USP25: variants seen among roughly 807,000 people sequenced by gnomAD.
USP25 encodes ubiquitin carboxyl-terminal hydrolase 25.
USP25 carries 85 observed loss-of-function variants against 158.5 expected under a neutral mutation model. That is an observed-to-expected ratio of 0.54 (90% CI 0.45 to 0.64). USP25 has a LOEUF of 0.64. USP25 is among the 30% of genes least tolerant of loss of function. The pLI is 0.00. For missense variants in USP25, 1,242 were observed against 1,327.3 expected (o/e 0.94, Z 1.00); for synonymous variants, 464 against 460.4 (o/e 1.01, Z -0.10).
intron 20 of USP25, among the ~76,000 whole-genome samples, chr21:15,863,012 T>G (rs1235425463): frequency 6.6e-6 from 1 of 152,006 alleles, no homozygotes; most frequent in Non-Finnish European, 1.5e-5. Flanking sequence ...AAAAAAACTT[T>G]TTAATTGAAT....
chr21:15,767,373 T>A (rs950094978), intron 3 of USP25, among the ~76,000 whole-genome samples: 2 of 152,128 alleles, frequency 1.3e-5, no homozygotes, highest in African/African-American at 4.8e-5. Flanking sequence ...GGAGAATGTT[T>A]TTCCTGGCCT....
At position 15,849,770 on chromosome 21, in the gene USP25, G is replaced by T; in HGVS notation, c.2452-7G>T. 1 of 1,521,666 alleles carries T rather than the reference G, an allele frequency of 6.6e-7. No homozygotes were observed. Among genetic ancestry groups the T allele is most frequent in the Non-Finnish European group, 8.8e-7 (1 of 1,136,514 alleles). 94.3% of individuals were successfully genotyped at this position (1,521,666 alleles called of 1,614,324 possible). On this transcript the variant is annotated splice_polypyrimidine_tract_variant and splice_region_variant and intron_variant, in intron 19 of 25. Coordinates refer to ENST00000400183, the MANE Select transcript of USP25 (RefSeq NM_001283041.3). ...CTTTTTTTAATGTTAACTATCTTCT[G>T]TGGCAGATCATGATGACACCGAACA...
At chr21:15,836,175 A>G (rs1050629798) in intron 17 of USP25, among the ~76,000 whole-genome samples, 7 of 152,224 alleles carry the variant, frequency 4.6e-5, no homozygotes, top group Non-Finnish European at 5.9e-5. Flanking sequence ...AAAATCCAAC[A>G]GAATGATTTT....
At chr21:15,775,525 CTT>C (rs2034590180) in intron 3 of USP25, among the ~76,000 whole-genome samples, 2 of 152,136 alleles carry the variant, frequency 1.3e-5, no homozygotes, top group Admixed American at 6.5e-5. Context: ...CAAGAACATA[CTT>C]CTATAGCTGC....
Position 15,757,230 on chromosome 21 carries a change from A to C in USP25, c.46-5661A>C, listed in dbSNP as rs879280286. ...GCAAATGAGGTGGCTTCTCTAACTT[A>C]AACTTAGGATTTTTCTCATTGCTCA... On this transcript the variant is annotated intron_variant, in intron 1 of 25. Coordinates refer to ENST00000400183, the MANE Select transcript of USP25 (RefSeq NM_001283041.3). Among the ~76,000 whole-genome samples, 17 of 152,260 alleles carry C rather than the reference A, an allele frequency of 1.1e-4. 1 individual carries two copies. In the Middle Eastern group the frequency reaches 0.014, roughly 122 times the overall value.
intron 1 of USP25, among the ~76,000 whole-genome samples, chr21:15,737,342 T>A (rs2031619804): frequency 6.6e-6 from 1 of 152,186 alleles, no homozygotes. Context: ...CATAATTGAA[T>A]TAATTTTGCC....
intron 7 of USP25, among the ~76,000 whole-genome samples, chr21:15,807,724 T>G (rs2036462354): frequency 1.3e-5 from 2 of 152,346 alleles, no homozygotes; most frequent in Middle Eastern, 3.4e-3. Flanking sequence ...CACCATTGGA[T>G]TTAGCCCCAG....
chr21:15,742,029 A>C (rs1487348140), intron 1 of USP25, among the ~76,000 whole-genome samples: 2 of 152,184 alleles, frequency 1.3e-5, no homozygotes, highest in Non-Finnish European at 2.9e-5. Context: ...TTTGAAAAGA[A>C]CATAGTGCAG....
At position 15,808,710 on chromosome 21, in the gene USP25, A is replaced by G. The variant is rs1326835167; in HGVS notation, c.781-99A>G. 9 of 746,156 alleles carry G rather than the reference A, an allele frequency of 1.2e-5. No individual in the cohort carries two copies. The African/African-American group carries it at 1.4e-4, about 12-fold the overall frequency. The allele number at this position is 746,156 out of a possible 1,614,324, so 46.2% of individuals were successfully genotyped here. Reference sequence around the variant, plus strand: ...TTGTTATCTTTGTAAGGAGTTGGTAATTATATATTTCAACAACTGGCTCTA... The same window carrying G: ...TTGTTATCTTTGTAAGGAGTTGGTAGTTATATATTTCAACAACTGGCTCTA... On this transcript the variant is annotated intron_variant, in intron 7 of 25. Coordinates refer to ENST00000400183, the MANE Select transcript of USP25 (RefSeq NM_001283041.3).
chr21:15,776,938 G>A (rs938925286), intron 3 of USP25, among the ~76,000 whole-genome samples: 4 of 152,096 alleles, frequency 2.6e-5, no homozygotes, highest in Non-Finnish European at 5.9e-5. Context: ...GATAATAACA[G>A]ATAGTTTCTC....
intron 16 of USP25, 56 bp from the exon 17 acceptor site, chr21:15,833,292 T>C: frequency 3.3e-6 from 5 of 1,518,746 alleles, no homozygotes; most frequent in Non-Finnish European, 4.5e-6. Context: ...ATTTTGAGCT[T>C]TGCATTTTCC....
Position 15,823,829 on chromosome 21 carries a change from A to G in USP25, c.1081-210A>G, listed in dbSNP as rs576597827. ...TGAGATTTCTTTTTTTCCTGATCAT[A>G]TATTATACCCACTCTTGGAATTTTC... On this transcript the variant is annotated intron_variant, in intron 10 of 25. Coordinates refer to ENST00000400183, the MANE Select transcript of USP25 (RefSeq NM_001283041.3). 1.4e-4 allele frequency among the ~76,000 whole-genome samples: 21 copies of G among 152,212 alleles called. 1 individual carries two copies. The South Asian group carries it at 3.9e-3, about 29-fold the overall frequency.
At chr21:15,783,912 G>C (rs984159806) in intron 4 of USP25, among the ~76,000 whole-genome samples, 7 of 152,096 alleles carry the variant, frequency 4.6e-5, no homozygotes, top group Non-Finnish European at 8.8e-5. Flanking sequence ...GGAGCTTGCA[G>C]TGAGCCGAGA....
At chr21:15,787,484 T>C (rs2035344146) in intron 4 of USP25, among the ~76,000 whole-genome samples, 1 of 151,732 alleles carries the variant, frequency 6.6e-6, no homozygotes, top group Admixed American at 6.6e-5. Context: ...AACTGTTAAC[T>C]GGAGTAAATC....
chr21:15,864,349 G>A lies in USP25; in HGVS notation c.2629G>A (p.Val877Ile), dbSNP rs1465330225. 1 of 1,613,702 alleles carries A rather than the reference G, an allele frequency of 6.2e-7. No homozygotes were observed. Among genetic ancestry groups the A allele is most frequent in the Admixed American group, 1.7e-5 (1 of 59,970 alleles). The change falls in exon 21 of 26, where the codon GTA becomes ATA. Residue 877 changes from valine to isoleucine, a missense_variant. Transcript: ENST00000400183. ...AGAAACCGATTATCGTTTACATCAT[G>A]TAGTGGTCTACTTTATCCAGAACCA... ...PPETDYRLHH[V>I]VVYFIQNQAP...
At chr21:15,776,958 ATAT>A in intron 3 of USP25, among the ~76,000 whole-genome samples, 1 of 152,324 alleles carries the variant, frequency 6.6e-6, no homozygotes, top group South Asian at 2.1e-4. Context: ...CTTTCTGATC[ATAT>A]TATTTTGTAA....
chr21:15,748,372 C>A (rs571028752), intron 1 of USP25, among the ~76,000 whole-genome samples: 1 of 151,980 alleles, frequency 6.6e-6, no homozygotes, highest in Non-Finnish European at 1.5e-5. Context: ...GCCTCAAACT[C>A]CTGGACCCAC....
At chr21:15,833,634 C>T in intron 17 of USP25, 86 bp downstream of exon 17, 1 of 1,205,180 alleles carries the variant, frequency 8.3e-7, no homozygotes, top group Non-Finnish European at 1.2e-6. Flanking sequence ...TTTTAGCTAT[C>T]TTAAAGTGTG....
At chr21:15,774,795 G>A (rs1487286985) in intron 3 of USP25, among the ~76,000 whole-genome samples, 5 of 152,194 alleles carry the variant, frequency 3.3e-5, no homozygotes, top group African/African-American at 1.2e-4. Flanking sequence ...AAAACAGTGA[G>A]TGTGTATATT....
Sources: gnomAD v4.1 joint callset for allele counts (sites outside exome capture counted in the v4.1 genomes callset) on GRCh38, gnomAD v4.1.1 for gene constraint, MANE v1.5 for transcripts, NCBI Gene and HGNC (gene_info 2026-07-23, HGNC 2026-07-21) for gene names.